Variants in IGFL4 observed in about 807,000 individuals in gnomAD.
IGFL4 encodes insulin growth factor-like family member 4.
In IGFL4, 12 loss-of-function variants were observed where a neutral mutation model predicts 15.4. The ratio of observed to expected loss-of-function variants is 0.78; its 90% CI spans 0.50 to 1.26. The LOEUF is 1.26. Ranked by LOEUF, IGFL4 falls within the 50% of genes most tolerant of loss-of-function variation. The pLI, the probability that IGFL4 is intolerant of heterozygous loss-of-function variation, is 0.00. For missense variants in IGFL4, 126 were observed against 147.8 expected (o/e 0.85, Z 0.76); for synonymous variants, 54 against 55.9 (o/e 0.97, Z 0.16).
upstream of IGFL4, chr19:46,041,096 G>C: frequency 1.3e-6 from 1 of 767,844 alleles, no homozygotes; most frequent in East Asian, 2.8e-5. Context: ...CTTGGGAAGA[G>C]TTAGGCAAAA....
Position 46,040,440 on chromosome 19 carries a change from G to A in IGFL4, c.71-24C>T, listed in dbSNP as rs547298767. 4 of 1,613,586 alleles carry A rather than the reference G, an allele frequency of 2.5e-6. No homozygotes were observed. In the East Asian group the frequency reaches 6.7e-5, roughly 27 times the overall value. ...ATCTGGAAGAGTCGGGGCTGGATGG[G>A]CTGCAAGGACCAGCCTAGGACCACC... is the stretch of plus-strand genomic sequence containing the variant. On this transcript the variant is annotated intron_variant, in intron 2 of 3. Transcript: ENST00000377697. This position sits in a 1 kb window ranked among gnomAD's most constrained non-coding sequence, Gnocchi z 4.1.
chr19:46,063,789 C>T (rs1043180391), intron 1 of IGFL4, among the ~76,000 whole-genome samples: 1 of 152,186 alleles, frequency 6.6e-6, no homozygotes, highest in African/African-American at 2.4e-5. Context: ...AGTTACAAAA[C>T]ATTGCTGCAA....
intron 1 of IGFL4, among the ~76,000 whole-genome samples, chr19:46,073,379 G>A (rs898206979): frequency 4.6e-5 from 7 of 152,058 alleles, no homozygotes; most frequent in African/African-American, 1.7e-4. Flanking sequence ...TTAATATTAT[G>A]TAACTGGAGC....
chr19:46,067,991 G>A (rs993772845), intron 1 of IGFL4, among the ~76,000 whole-genome samples: 1 of 152,186 alleles, frequency 6.6e-6, no homozygotes, highest in South Asian at 2.1e-4. Context: ...AAAGGTTTCA[G>A]GTGTGAACTC....
intron 1 of IGFL4, among the ~76,000 whole-genome samples, chr19:46,074,199 C>T (rs1969572688): frequency 6.6e-6 from 1 of 151,658 alleles, no homozygotes; most frequent in Non-Finnish European, 1.5e-5. Context: ...ATTAGTGCCT[C>T]CACAGGGCTA....
At chr19:46,070,019 G>C (rs1021856523) in intron 1 of IGFL4, among the ~76,000 whole-genome samples, 3 of 152,126 alleles carry the variant, frequency 2.0e-5, no homozygotes, top group Non-Finnish European at 4.4e-5. Flanking sequence ...AGGTTAGGAG[G>C]GTAACGCTTG....
At chr19:46,057,538 G>T (rs1969404246) in intron 2 of IGFL4, 1 of 152,160 alleles carries the variant, frequency 6.6e-6, no homozygotes. Flanking sequence ...AGGAATAAAA[G>T]AATGGCTACT....
chr19:46,065,381 G>A (rs1228054209), intron 1 of IGFL4, among the ~76,000 whole-genome samples: 1 of 152,172 alleles, frequency 6.6e-6, no homozygotes. Flanking sequence ...GGAGTGCAGC[G>A]GCGTGATCTC....
intron 2 of IGFL4, among the ~76,000 whole-genome samples, chr19:46,053,621 T>G (rs1969368246): frequency 6.6e-6 from 1 of 152,202 alleles, no homozygotes; most frequent in African/African-American, 2.4e-5. Context: ...ATTTCCTTTT[T>G]TGTGTGTGAT....
chr19:46,044,268 AG>A (rs1969276408), upstream of IGFL4, among the ~76,000 whole-genome samples: 1 of 152,202 alleles, frequency 6.6e-6, no homozygotes, highest in African/African-American at 2.4e-5. Flanking sequence ...GAGCGGCCAC[AG>A]GGGCACTCAC....
chr19:46,050,659 A>G (rs919351155), intron 2 of IGFL4, among the ~76,000 whole-genome samples: 1 of 152,226 alleles, frequency 6.6e-6, no homozygotes, highest in African/African-American at 2.4e-5. Context: ...GTCTCCTAGA[A>G]GTTTGGGATT....
intron 2 of IGFL4, among the ~76,000 whole-genome samples, chr19:46,046,976 A>G (rs967132731): frequency 2.6e-5 from 4 of 152,216 alleles, no homozygotes; most frequent in African/African-American, 9.6e-5. Flanking sequence ...CATGGCACTC[A>G]CTCTAAAATT....
chr19:46,070,526 G>A (rs10500294), intron 1 of IGFL4, among the ~76,000 whole-genome samples: 10,244 of 151,960 alleles, frequency 0.067, 566 homozygotes, highest in African/African-American at 0.14. Flanking sequence ...TTCTGGTGGT[G>A]TTACTAATGG....
At chr19:46,045,204 G>A (rs1969286534), upstream of IGFL4, among the ~76,000 whole-genome samples, 1 of 152,122 alleles carries the variant, frequency 6.6e-6, no homozygotes, top group South Asian at 2.1e-4. Flanking sequence ...CAGCACTTTG[G>A]GAGGCCGAGG....
chr19:46,070,954 A>G (rs766358375), intron 1 of IGFL4, among the ~76,000 whole-genome samples: 10 of 152,116 alleles, frequency 6.6e-5, no homozygotes, highest in Admixed American at 1.3e-4. Flanking sequence ...ACCCCAGGTG[A>G]TGGCATGGCA....
rs1007854915 is a variant in IGFL4, at chr19:46,063,101, G to A, written c.-431-2808C>T. On this transcript the variant is annotated intron_variant, in intron 1 of 5. Coordinates refer to the IGFL4 transcript ENST00000601672. The stretch of plus-strand genomic sequence containing the variant: ...GCCTTGAACCCAAGTTCGGTCAAGC[G>A]TCCTTGCCTTTAATTAAGAACGACC... Among the ~76,000 whole-genome samples, 8 of 152,232 alleles carry A rather than the reference G, an allele frequency of 5.3e-5. No individual in the cohort carries two copies. The South Asian group carries it at 8.3e-4, about 16-fold the overall frequency.
At chr19:46,044,822 G>A (rs1053907792), upstream of IGFL4, among the ~76,000 whole-genome samples, 66 of 152,102 alleles carry the variant, frequency 4.3e-4, no homozygotes, top group African/African-American at 1.5e-3. Context: ...CTTCAGGTAC[G>A]GGAAAAACGG....
upstream of IGFL4, among the ~76,000 whole-genome samples, chr19:46,077,540 T>C (rs373685554): frequency 6.6e-6 from 1 of 152,210 alleles, no homozygotes; most frequent in Non-Finnish European, 1.5e-5. This position sits in a 1 kb window ranked among gnomAD's most constrained non-coding sequence, Gnocchi z 5.4. Context: ...GCGTTCCAAG[T>C]GTCCAGAGCG....
At chr19:46,056,919 A>T (rs922740171) in intron 2 of IGFL4, among the ~76,000 whole-genome samples, 5 of 151,838 alleles carry the variant, frequency 3.3e-5, no homozygotes, top group African/African-American at 1.2e-4. Flanking sequence ...CTCCCTATAC[A>T]CCCCAGTCAC....
Sources: allele counts gnomAD v4.1 joint callset (sites outside exome capture counted in the v4.1 genomes callset), GRCh38; gene constraint gnomAD v4.1.1; non-coding constraint Gnocchi (gnomAD v3.1); transcripts MANE v1.5; gene names NCBI Gene and HGNC (gene_info 2026-07-23, HGNC 2026-07-21).